The following SPART variants were observed in gnomAD, a reference collection of about 807,000 sequenced individuals.
SPART encodes spastic paraplegia 20 (Troyer syndrome).
SPART carries 35 observed loss-of-function variants against 58.7 expected under a neutral mutation model. The observed-to-expected ratio is 0.60, with a 90% CI of 0.46 to 0.79. The LOEUF (loss-of-function observed/expected upper bound fraction) is 0.79, where lower values mean the gene tolerates loss of function less well. Ranked by LOEUF, SPART falls within the 30% of genes least tolerant of loss-of-function variation. The pLI, the probability that SPART is intolerant of heterozygous loss-of-function variation, is 0.00. For missense variants in SPART, 730 were observed against 786.1 expected (o/e 0.93, Z 0.85); for synonymous variants, 284 against 280.7 (o/e 1.01, Z -0.12).
chr13:36,345,528 G>C (rs151295462), intron 1 of SPART: 1 of 152,252 alleles, frequency 6.6e-6, no homozygotes, highest in East Asian at 1.9e-4. Flanking sequence ...GGCCAACCTC[G>C]AGGATCCTCG....
chr13:36,369,864 C>A (rs1886205076), intron 1 of SPART, among the ~76,000 whole-genome samples: 1 of 152,158 alleles, frequency 6.6e-6, no homozygotes, highest in Admixed American at 6.5e-5. Context: ...CCTGGCTCTT[C>A]ATACCTTTGG....
chr13:36,324,667 T>C (rs543221825), intron 5 of SPART, among the ~76,000 whole-genome samples: 2 of 152,100 alleles, frequency 1.3e-5, no homozygotes, highest in African/African-American at 4.8e-5. Flanking sequence ...TGGAACAAAC[T>C]TGTAACAGTA....
intron 1 of SPART, among the ~76,000 whole-genome samples, chr13:36,358,987 C>A (rs1032295103): frequency 1.3e-5 from 2 of 152,082 alleles, no homozygotes; most frequent in Non-Finnish European, 2.9e-5. Flanking sequence ...TTTTATTCAT[C>A]ATTCTATCTC....
rs200118187 is a variant in SPART, at chr13:36,304,530, C to T, written c.1836G>A (p.Met612Ile). Residue 612 changes from methionine to isoleucine, a missense_variant, in exon 9 of 9, where the codon ATG becomes ATA. By Grantham distance (10) the Met-to-Ile change is conservative (BLOSUM62 1). Transcript: ENST00000438666. ...YNINNIGIKA[M>I]VKKTATQTGH... is the part of the protein sequence containing the mutation. ...CTGTTTGTGTTGCAGTTTTCTTCAC[C>T]ATTGCTTTGATACCAATGTTGTTAA... 6.4e-5 allele frequency: 103 copies of T among 1,614,104 alleles called. 2 individuals are homozygous for T. The South Asian group carries it at 1.1e-3, about 17-fold the overall frequency.
intron 1 of SPART, among the ~76,000 whole-genome samples, chr13:36,362,775 CTG>C (rs549266986): frequency 1.6e-4 from 22 of 136,964 alleles, no homozygotes; most frequent in African/African-American, 6.2e-4. Context: ...AGAAAGCAGA[CTG>C]TAATGTGGAG....
intron 1 of SPART, among the ~76,000 whole-genome samples, chr13:36,343,581 AATT>A (rs1368845300): frequency 6.6e-6 from 1 of 152,174 alleles, no homozygotes; most frequent in African/African-American, 2.4e-5. Flanking sequence ...GTTTTACAAA[AATT>A]ATTTGGGGGT....
At position 36,303,181 on chromosome 13, in the gene SPART, G is replaced by T. The variant is rs933781600; in HGVS notation, c.*1184C>A. ...TTTAATTCATAAAGTGCATTCTTCA[G>T]ACAGCTTCAAATAATGTCTAATTAA... is the stretch of plus-strand genomic sequence containing the variant. On this transcript the variant is annotated 3_prime_UTR_variant, in exon 9 of 9. Coordinates refer to ENST00000438666, the MANE Select transcript of SPART (RefSeq NM_015087.5). 6.6e-6 allele frequency: 1 copy of T among 152,134 alleles called. No individual in the cohort carries two copies. Among genetic ancestry groups the T allele is most frequent in the Non-Finnish European group, 1.5e-5 (1 of 68,020 alleles). The allele number at this position is 152,134 out of a possible 1,614,324, so 9.4% of individuals were successfully genotyped here. A position where few individuals can be genotyped will look rare whatever the true frequency, so the allele number is the denominator to read the frequency against.
chr13:36,314,151 C>T, intron 6 of SPART, 76 bp downstream of exon 6: 1 of 1,374,404 alleles, frequency 7.3e-7, no homozygotes, highest in African/African-American at 1.5e-5. Context: ...TCTAAATGAA[C>T]ATGCAGATTA....
Position 36,302,559 on chromosome 13 carries a change from A to G in SPART, c.*1806T>C, listed in dbSNP as rs1474429176. ...GAGGATATTTGCTGACCTCTGGTCA[A>G]AGCTAACTGTTTAAAGTTTATGTTC... On this transcript the variant is annotated 3_prime_UTR_variant, in exon 9 of 9. Transcript: ENST00000438666. The G allele has an allele frequency of 6.6e-6, 1 of 152,202 alleles. No individual in the cohort carries two copies. The highest frequency in any genetic ancestry group is 2.4e-5 in the African/African-American group (1 of 41,454). 9.4% of individuals were successfully genotyped at this position (152,202 alleles called of 1,614,324 possible).
intron 8 of SPART, among the ~76,000 whole-genome samples, chr13:36,310,844 C>T (rs549555724): frequency 7.1e-6 from 1 of 141,412 alleles, no homozygotes; most frequent in Non-Finnish European, 1.6e-5. Context: ...CTCCCTTGCT[C>T]GTGCTCCCTT....
chr13:36,304,143 T>C lies in SPART; in HGVS notation c.*222A>G, dbSNP rs892232596. On this transcript the variant is annotated 3_prime_UTR_variant, in exon 9 of 9. Transcript: ENST00000438666. ...TATTTTAGCTACACTTGGAAAAAAATAAACTTGAGAATATAACTTCACATT... is the reference window on the plus strand; with the variant it reads ...TATTTTAGCTACACTTGGAAAAAAACAAACTTGAGAATATAACTTCACATT... The C allele has an allele frequency of 5.3e-5, 32 of 599,298 alleles. No individual in the cohort carries two copies. The highest frequency in any genetic ancestry group is 2.8e-4 in the Admixed American group (9 of 31,812). The allele number at this position is 599,298 out of a possible 1,614,324, so 37.1% of individuals were successfully genotyped here. A position where few individuals can be genotyped will look rare whatever the true frequency, so the allele number is the denominator to read the frequency against.
intron 6 of SPART, 74 bp from the exon 7 acceptor site, chr13:36,312,551 C>G (rs1157878355): frequency 7.0e-7 from 1 of 1,419,614 alleles, no homozygotes. Flanking sequence ...CATCTTGCAA[C>G]ATTCTTAAAT....
At chr13:36,361,516 C>T (rs757603156) in intron 1 of SPART, among the ~76,000 whole-genome samples, 4 of 151,968 alleles carry the variant, frequency 2.6e-5, no homozygotes, top group African/African-American at 7.3e-5. Flanking sequence ...GAAATTGTCC[C>T]GCCTCAGCCT....
At chr13:36,322,746 T>C (rs1882542477) in intron 5 of SPART, among the ~76,000 whole-genome samples, 1 of 152,202 alleles carries the variant, frequency 6.6e-6, no homozygotes, top group South Asian at 2.1e-4. Context: ...CGTAGTCCTC[T>C]AAAAACCTAG....
At chr13:36,361,711 C>T (rs1291010527) in intron 1 of SPART, among the ~76,000 whole-genome samples, 2 of 152,158 alleles carry the variant, frequency 1.3e-5, no homozygotes, top group African/African-American at 2.4e-5. Flanking sequence ...CTAAAACCGC[C>T]TTTTCATTCT....
chr13:36,370,132 C>G (rs1406915085), exon 1 of SPART: 1 of 152,204 alleles, frequency 6.6e-6, no homozygotes, highest in Non-Finnish European at 1.5e-5. Context: ...GATTTCCTTC[C>G]AGGACTGAAG....
intron 1 of SPART, among the ~76,000 whole-genome samples, chr13:36,353,145 TTTG>T (rs893637964): frequency 2.6e-5 from 4 of 152,220 alleles, no homozygotes; most frequent in Admixed American, 2.0e-4. Context: ...TTTGTCTTGT[TTTG>T]TTTTATTTTG....
At chr13:36,357,160 G>A (rs1193425426) in intron 1 of SPART, among the ~76,000 whole-genome samples, 1 of 152,174 alleles carries the variant, frequency 6.6e-6, no homozygotes, top group African/African-American at 2.4e-5. Context: ...GAGCGTGGAT[G>A]CTCCCGCTCT....
At position 36,367,025 on chromosome 13, in the gene SPART, G is replaced by A. The variant is rs79614145; in HGVS notation, c.-3+3064C>T. On this transcript the variant is annotated intron_variant, in intron 1 of 8. Coordinates refer to the SPART transcript ENST00000355182. ...TGTTCCCCATTCGATGCCCCTTTTC[G>A]GCCGGAAGTAGCCGGAAAGATTCGC... Among the ~76,000 whole-genome samples, 22 of 152,248 alleles carry A rather than the reference G, an allele frequency of 1.4e-4. 1 individual carries two copies. The East Asian group carries it at 4.2e-3, about 29-fold the overall frequency.
Sources: gnomAD v4.1 joint callset for allele counts (sites outside exome capture counted in the v4.1 genomes callset) on GRCh38, gnomAD v4.1.1 for gene constraint, MANE v1.5 for transcripts, NCBI Gene and HGNC (gene_info 2026-07-23, HGNC 2026-07-21) for gene names.